Variants in SLC35D2 observed in about 807,000 individuals in gnomAD.
SLC35D2 encodes the protein nucleotide sugar transporter SLC35D2.
A neutral mutation model predicts 41.8 loss-of-function variants in SLC35D2; 43 were observed. The observed-to-expected ratio is 1.03, with a 90% CI of 0.81 to 1.33. The LOEUF (loss-of-function observed/expected upper bound fraction) is 1.33. Among genes scored for constraint, SLC35D2 ranks in the 40% most tolerant of loss-of-function variants. SLC35D2 has a pLI of 0.00. For synonymous variants in SLC35D2, 150 were observed against 163.9 expected, an observed-to-expected ratio of 0.92 and a Z score of 0.65; for missense variants, 380 against 408.4, an observed-to-expected ratio of 0.93 and a Z score of 0.60.
chr9:96,328,182 G>A (rs182482815), intron 9 of SLC35D2, among the ~76,000 whole-genome samples: 25 of 152,252 alleles, frequency 1.6e-4, no homozygotes, highest in Admixed American at 5.9e-4. Context: ...ACTATCTGTA[G>A]ATTAATAAAA....
chr9:96,313,764 G>A (rs1178266683), exon 12 of SLC35D2, among the ~76,000 whole-genome samples: 2 of 152,230 alleles, frequency 1.3e-5, no homozygotes, highest in Non-Finnish European at 2.9e-5. Flanking sequence ...GCCTCTCTGA[G>A]CCACTCGTCT....
intron 2 of SLC35D2, among the ~76,000 whole-genome samples, chr9:96,366,608 G>A (rs1244267937): frequency 1.5e-5 from 2 of 134,700 alleles, no homozygotes; most frequent in African/African-American, 2.8e-5. Context: ...TGCAACCTCT[G>A]CCTCCCAGTG....
intron 2 of SLC35D2, among the ~76,000 whole-genome samples, chr9:96,367,849 T>G (rs937000534): frequency 8.6e-5 from 13 of 152,008 alleles, no homozygotes; most frequent in African/African-American, 2.9e-4. Flanking sequence ...GGCAGCATGG[T>G]GGGTCCCACC....
At chr9:96,357,406 C>G (rs557443352) in intron 4 of SLC35D2, 9 of 152,056 alleles carry the variant, frequency 5.9e-5, no homozygotes, top group African/African-American at 2.2e-4. Flanking sequence ...TACAGTCGCA[C>G]GTGCCTGCAG....
chr9:96,315,912 A>G (rs1828041817), downstream of SLC35D2, among the ~76,000 whole-genome samples: 1 of 152,218 alleles, frequency 6.6e-6, no homozygotes, highest in African/African-American at 2.4e-5. Context: ...CCTCTTTATG[A>G]ACATATTAAA....
intron 6 of SLC35D2, among the ~76,000 whole-genome samples, chr9:96,347,476 C>T (rs1829632632): frequency 6.6e-6 from 1 of 152,186 alleles, no homozygotes; most frequent in Admixed American, 6.5e-5. Context: ...GTTGTTCAAG[C>T]GATCCTCCCA....
At chr9:96,318,535 AAAAC>A (rs534018202), downstream of SLC35D2, among the ~76,000 whole-genome samples, 29 of 152,284 alleles carry the variant, frequency 1.9e-4, no homozygotes, top group East Asian at 4.6e-3. Flanking sequence ...CAACAACAAT[AAAAC>A]AAACAATTTG....
chr9:96,348,886 G>A (rs1829692481), intron 6 of SLC35D2, among the ~76,000 whole-genome samples: 1 of 152,098 alleles, frequency 6.6e-6, no homozygotes, highest in Non-Finnish European at 1.5e-5. Flanking sequence ...GTAACTGAAG[G>A]GCCATTCCTC....
downstream of SLC35D2, chr9:96,320,558 T>G (rs1345059068): frequency 2.0e-5 from 3 of 150,980 alleles, no homozygotes; most frequent in Non-Finnish European, 4.4e-5. Flanking sequence ...GCCTGAGTAT[T>G]TTTTTTTTCC....
At chr9:96,366,517 ATTT>A (rs34820429) in intron 2 of SLC35D2, among the ~76,000 whole-genome samples, 1 of 103,608 alleles carries the variant, frequency 9.7e-6, no homozygotes, top group African/African-American at 3.8e-5. Flanking sequence ...CTTATCACTG[ATTT>A]TTTTTTTTTT....
intron 2 of SLC35D2, among the ~76,000 whole-genome samples, chr9:96,366,393 T>A (rs1043327051): frequency 8.6e-5 from 13 of 151,788 alleles, no homozygotes; most frequent in African/African-American, 2.4e-4. Flanking sequence ...TAAAATTAGA[T>A]CTAACTGGCC....
At chr9:96,324,245 G>T in intron 9 of SLC35D2, 76 bp from the exon 10 acceptor site, 2 of 1,183,528 alleles carry the variant, frequency 1.7e-6, no homozygotes, top group South Asian at 1.3e-5. Flanking sequence ...GGCCAGCAGT[G>T]ACCCCCACAC....
At chr9:96,321,391 G>C in intron 11 of SLC35D2, 50 bp from the exon 12 acceptor site, 3 of 1,344,958 alleles carry the variant, frequency 2.2e-6, no homozygotes, top group South Asian at 1.2e-5. Context: ...TTTCACAGGG[G>C]CTCCAGCAGC....
chr9:96,382,496 CTAT>C (rs1437654532), intron 1 of SLC35D2, among the ~76,000 whole-genome samples: 13 of 127,912 alleles, frequency 1.0e-4, no homozygotes, highest in African/African-American at 3.2e-4. Context: ...CACACACACA[CTAT>C]ATATATATAT....
Position 96,325,475 on chromosome 9 carries a change from G to C in SLC35D2, c.753-1306C>G, listed in dbSNP as rs949656658. ...AGGTGGGTGAATCACCTGAAGTCAG[G>C]AGTTCGAGACCAGCATGGCCAACAT... On this transcript the variant is annotated intron_variant, in intron 9 of 11. Coordinates refer to ENST00000253270, the MANE Select transcript of SLC35D2 (RefSeq NM_007001.3). 5.3e-5 allele frequency among the ~76,000 whole-genome samples: 8 copies of C among 152,300 alleles called. No homozygotes were observed. In the East Asian group the frequency reaches 1.5e-3, roughly 29 times the overall value.
At chr9:96,323,961 C>T (rs745765233) in intron 10 of SLC35D2, 130 bp downstream of exon 10, 1 of 688,088 alleles carries the variant, frequency 1.5e-6, no homozygotes, top group East Asian at 2.6e-5. Flanking sequence ...TCACACAGGC[C>T]GAGCTGAAAA....
chr9:96,376,967 C>T (rs1031143111), intron 1 of SLC35D2, among the ~76,000 whole-genome samples: 6 of 150,844 alleles, frequency 4.0e-5, no homozygotes, highest in Non-Finnish European at 8.9e-5. Flanking sequence ...CGGCTCACAA[C>T]ACTCAAGAGC....
chr9:96,329,377 C>T (rs1828705721), intron 9 of SLC35D2, among the ~76,000 whole-genome samples: 1 of 151,938 alleles, frequency 6.6e-6, no homozygotes, highest in South Asian at 2.1e-4. Context: ...ACTACAAGAA[C>T]ATGCCACCAC....
At chr9:96,322,908 G>C (rs990815303) in intron 10 of SLC35D2, among the ~76,000 whole-genome samples, 1 of 151,858 alleles carries the variant, frequency 6.6e-6, no homozygotes, top group African/African-American at 2.4e-5. Flanking sequence ...TAGTAGAGAT[G>C]GTGTTTCGCC....
Sources: gnomAD v4.1 joint callset for allele counts (sites outside exome capture counted in the v4.1 genomes callset) on GRCh38, gnomAD v4.1.1 for gene constraint, MANE v1.5 for transcripts, NCBI Gene and HGNC (gene_info 2026-07-23, HGNC 2026-07-21) for gene names.